Variants in NSF observed in about 807,000 individuals in gnomAD.
The protein encoded by NSF is vesicle-fusing ATPase.
NSF carries 14 observed loss-of-function variants against 50.3 expected under a neutral mutation model. That is an observed-to-expected ratio of 0.28 (90% CI 0.18 to 0.44). The LOEUF (loss-of-function observed/expected upper bound fraction) is 0.44. NSF is among the 20% of genes least tolerant of loss of function. The pLI, the probability that NSF is intolerant of heterozygous loss-of-function variation, is 1.00. For missense variants in NSF, 218 were observed against 504.3 expected (o/e 0.43, Z 5.44); for synonymous variants, 109 against 175.7 (o/e 0.62, Z 3.00).
chr17:46,739,921 A>G (rs2146318711), intron 17 of NSF, among the ~76,000 whole-genome samples: 1 of 152,194 alleles, frequency 6.6e-6, no homozygotes, highest in South Asian at 2.1e-4. Context: ...ACTGGTCTCA[A>G]ACTCCTGGCC....
At chr17:46,755,510 C>A in intron 20 of NSF, 141 bp downstream of exon 20, 1 of 790,186 alleles carries the variant, frequency 1.3e-6, no homozygotes, top group Non-Finnish European at 2.1e-6. Context: ...TCCGAGAGAC[C>A]AAGCAAGGAA....
At chr17:46,598,542 A>G (rs1480531358) in intron 1 of NSF, among the ~76,000 whole-genome samples, 1 of 152,220 alleles carries the variant, frequency 6.6e-6, no homozygotes, top group Non-Finnish European at 1.5e-5. Context: ...TTTGGCAGAG[A>G]TAGGAGTAAG....
chr17:46,713,152 A>T (rs1348264008), intron 14 of NSF: 1 of 152,208 alleles, frequency 6.6e-6, no homozygotes. Context: ...TTTTGTTGTT[A>T]TGTATTAAAC....
intron 19 of NSF, among the ~76,000 whole-genome samples, chr17:46,753,127 G>C (rs764201322): frequency 6.6e-6 from 1 of 152,224 alleles, no homozygotes; most frequent in African/African-American, 2.4e-5. Flanking sequence ...TAAATGGACA[G>C]AGTGGCTGTA....
intron 17 of NSF, among the ~76,000 whole-genome samples, chr17:46,733,738 G>A (rs1568052684): frequency 6.6e-6 from 1 of 152,180 alleles, no homozygotes; most frequent in African/African-American, 2.4e-5. Flanking sequence ...GAAGCTCAAC[G>A]ATTGGAAAAC....
intron 19 of NSF, among the ~76,000 whole-genome samples, chr17:46,752,133 C>T (rs566494352): frequency 6.6e-6 from 1 of 152,294 alleles, no homozygotes; most frequent in South Asian, 2.1e-4. Flanking sequence ...GGCTGGGCTC[C>T]TAGAAATTTC....
chr17:46,610,007 C>CTCTTTCTCTCTTTCTTTCTT (rs2057994529), intron 1 of NSF, among the ~76,000 whole-genome samples: 1 of 116,970 alleles, frequency 8.5e-6, no homozygotes, highest in African/African-American at 3.2e-5. Flanking sequence ...CTTTCTTTCT[C>CTCTTTCTCTCTTTCTTTCTT]TCTTTCTTTC....
At chr17:46,745,205 G>A (rs2059115970) in intron 17 of NSF, among the ~76,000 whole-genome samples, 1 of 152,176 alleles carries the variant, frequency 6.6e-6, no homozygotes, top group African/African-American at 2.4e-5. Flanking sequence ...CCCTTCAGAC[G>A]AATCCCATGC....
At chr17:46,752,764 CTTTT>C (rs961061488) in intron 19 of NSF, among the ~76,000 whole-genome samples, 3 of 151,676 alleles carry the variant, frequency 2.0e-5, no homozygotes, top group Non-Finnish European at 2.9e-5. Flanking sequence ...CCCTCGGTAA[CTTTT>C]TTTCTTTTTT....
At chr17:46,748,400 C>T (rs192346069) in intron 17 of NSF, among the ~76,000 whole-genome samples, 106 of 152,302 alleles carry the variant, frequency 7.0e-4, no homozygotes, top group Non-Finnish European at 1.2e-3. Flanking sequence ...GCATGAGCCA[C>T]CACACCTGGC....
intron 15 of NSF, among the ~76,000 whole-genome samples, chr17:46,725,274 A>G (rs1398193178): frequency 6.6e-6 from 1 of 152,228 alleles, no homozygotes; most frequent in Non-Finnish European, 1.5e-5. Context: ...ACTACACATA[A>G]CATGAACAGA....
At chr17:46,732,274 C>T (rs1371389637) in intron 17 of NSF, among the ~76,000 whole-genome samples, 1 of 152,070 alleles carries the variant, frequency 6.6e-6, no homozygotes, top group Non-Finnish European at 1.5e-5. Flanking sequence ...CATGTGTGCA[C>T]GTGCTCAAAT....
intron 19 of NSF, 147 bp downstream of exon 19, chr17:46,751,763 C>T: frequency 1.9e-6 from 1 of 527,458 alleles, no homozygotes; most frequent in Non-Finnish European, 3.4e-6. Context: ...GTATTAGTAG[C>T]CTGCTTCTGA....
At chr17:46,749,929 G>A in intron 18 of NSF, 22 bp downstream of exon 18, 1 of 1,611,208 alleles carries the variant, frequency 6.2e-7, no homozygotes, top group Non-Finnish European at 8.5e-7. Flanking sequence ...TCAATGGATT[G>A]CACACTGTTT....
At chr17:46,722,034 T>C in intron 15 of NSF, 1 of 1,608,260 alleles carries the variant, frequency 6.2e-7, no homozygotes, top group Non-Finnish European at 8.5e-7. Flanking sequence ...GCTGCCGTAA[T>C]ATTCAGCTCC....
At chr17:46,753,313 A>G (rs1334656545) in intron 19 of NSF, among the ~76,000 whole-genome samples, 1 of 152,250 alleles carries the variant, frequency 6.6e-6, no homozygotes. Context: ...TCTTGGACCA[A>G]TAACAAATTG....
chr17:46,755,674 C>A, intron 20 of NSF, 128 bp from the exon 21 acceptor site: 1 of 1,031,874 alleles, frequency 9.7e-7, no homozygotes, highest in Non-Finnish European at 1.4e-6. Context: ...CATCTAATAG[C>A]AAATGCATAG....
chr17:46,622,382 C>A (rs916140004), intron 1 of NSF, among the ~76,000 whole-genome samples: 3 of 149,856 alleles, frequency 2.0e-5, no homozygotes, highest in Admixed American at 6.6e-5. Context: ...GGCGTGAACC[C>A]GGGAGGCGGA....
At chr17:46,722,293 T>C (rs1172180085) in intron 15 of NSF, 1 of 783,192 alleles carries the variant, frequency 1.3e-6, no homozygotes, top group African/African-American at 1.7e-5. Flanking sequence ...GGTTCTTACC[T>C]TCTTACCTCC....
Sources: gnomAD v4.1 joint callset for allele counts (sites outside exome capture counted in the v4.1 genomes callset) on GRCh38, gnomAD v4.1.1 for gene constraint, MANE v1.5 for transcripts, NCBI Gene and HGNC (gene_info 2026-07-23, HGNC 2026-07-21) for gene names.